Variants in TNRC6B observed in about 807,000 individuals in gnomAD.
The protein encoded by TNRC6B is trinucleotide repeat containing adaptor 6B.
TNRC6B carries 52 observed loss-of-function variants against 203.6 expected under a neutral mutation model. The ratio of observed to expected loss-of-function variants is 0.26; its 90% CI spans 0.20 to 0.32. The LOEUF is 0.32. TNRC6B is among the 10% of genes least tolerant of loss of function. TNRC6B has a pLI of 1.00. For missense variants in TNRC6B, 1,923 were observed against 2,286.2 expected, an observed-to-expected ratio of 0.84 and a Z score of 3.24; for synonymous variants, 838 against 845.7, an observed-to-expected ratio of 0.99 and a Z score of 0.16.
At chr22:40,095,857 G>A (rs1355015650) in intron 1 of TNRC6B, among the ~76,000 whole-genome samples, 2 of 151,820 alleles carry the variant, frequency 1.3e-5, no homozygotes, top group Non-Finnish European at 2.9e-5. Context: ...AGGGGAGATG[G>A]ATATCAACAA....
intron 1 of TNRC6B, among the ~76,000 whole-genome samples, chr22:40,215,972 C>G (rs1192811281): frequency 1.3e-5 from 2 of 152,192 alleles, no homozygotes; most frequent in African/African-American, 4.8e-5. Flanking sequence ...GATTCCTATG[C>G]TCTCAGGTAA....
chr22:40,166,218 C>T (rs1161365721), intron 4 of TNRC6B, among the ~76,000 whole-genome samples: 1 of 152,078 alleles, frequency 6.6e-6, no homozygotes, highest in African/African-American at 2.4e-5. Flanking sequence ...TGTGGGAATA[C>T]TCTTCAAGAA....
chr22:40,323,146 TG>T lies in TNRC6B; in HGVS notation c.5411del (p.Gly1804GlufsTer51). On this transcript the variant is annotated frameshift_variant, in exon 23 of 23. Coordinates refer to ENST00000454349, the MANE Select transcript of TNRC6B (RefSeq NM_001162501.2). LOFTEE classifies it high-confidence loss of function. ...GCCCCCAAACTATTCTTCTAGCTTA[TG>T]GGGAGTCCCAACGGTGGAAGATCCC... ...WGPPNYSSSL[W>X]GVPTVEDPHR... 1 of 1,613,932 alleles carries T rather than the reference TG, an allele frequency of 6.2e-7. No individual in the cohort carries two copies. Among genetic ancestry groups the T allele is most frequent in the Non-Finnish European group, 8.5e-7 (1 of 1,179,862 alleles).
At chr22:40,241,853 A>T (rs2070033225) in intron 1 of TNRC6B, among the ~76,000 whole-genome samples, 2 of 152,206 alleles carry the variant, frequency 1.3e-5, no homozygotes, top group African/African-American at 4.8e-5. Context: ...ATTTTATACA[A>T]TGGCTTATAG....
At chr22:40,207,130 A>G (rs1261679504) in intron 1 of TNRC6B, among the ~76,000 whole-genome samples, 1 of 152,126 alleles carries the variant, frequency 6.6e-6, no homozygotes, top group African/African-American at 2.4e-5. Flanking sequence ...CCTTGTAAGG[A>G]TCAAGTCATA....
intron 3 of TNRC6B, among the ~76,000 whole-genome samples, chr22:40,142,457 A>C (rs565574197): frequency 6.6e-6 from 1 of 152,196 alleles, no homozygotes; most frequent in Non-Finnish European, 1.5e-5. Flanking sequence ...AATCAAAACC[A>C]CAGTGAAATA....
rs574436655 is a variant in TNRC6B, at chr22:40,319,528, C to T, written c.4975-1562C>T. On this transcript the variant is annotated intron_variant, in intron 21 of 22. Coordinates refer to ENST00000454349, the MANE Select transcript of TNRC6B (RefSeq NM_001162501.2). ...GCAAGCTCCGCCTCCCGGGTTAATG[C>T]GGTTCTCATGTCTCAGCCTCCAAGT... Among the ~76,000 whole-genome samples the T allele has an allele frequency of 4.0e-5, 6 of 150,060 alleles. No homozygotes were observed. In the Admixed American group the frequency reaches 4.0e-4, roughly 10 times the overall value.
chr22:40,072,764 G>A (rs1056420334), intron 1 of TNRC6B, among the ~76,000 whole-genome samples: 4 of 151,318 alleles, frequency 2.6e-5, no homozygotes, highest in African/African-American at 4.9e-5. Flanking sequence ...CTCAGGAGGC[G>A]GAGGCAGGGG....
At chr22:40,163,480 A>AAAAAAAAC (rs568063097) in intron 4 of TNRC6B, among the ~76,000 whole-genome samples, 3,583 of 66,190 alleles carry the variant, frequency 0.054, 1,123 homozygotes, top group South Asian at 0.081. Flanking sequence ...AAAAAAAAAA[A>AAAAAAAAC]GGCCAGGCAC....
At chr22:40,138,165 A>G (rs1214739495) in intron 3 of TNRC6B, among the ~76,000 whole-genome samples, 1 of 152,198 alleles carries the variant, frequency 6.6e-6, no homozygotes, top group Non-Finnish European at 1.5e-5. Flanking sequence ...GGAGAAGCAT[A>G]CAGGAAGGAT....
At chr22:40,311,923 A>G (rs917721294) in intron 17 of TNRC6B, among the ~76,000 whole-genome samples, 3 of 152,252 alleles carry the variant, frequency 2.0e-5, no homozygotes, top group African/African-American at 7.2e-5. Context: ...ATAAAAGTTT[A>G]TTGTGTCACA....
rs375167077 is a variant in TNRC6B at position 40,183,907 on chromosome 22, G to A, written c.5+5767G>A. Among the ~76,000 whole-genome samples the A allele has an allele frequency of 3.3e-5, 5 of 152,252 alleles. 1 individual carries two copies. The highest frequency in any genetic ancestry group is 1.9e-4 in the East Asian group (1 of 5,174). The stretch of plus-strand genomic sequence containing the variant: ...ATACAGTGTTTCGGCATGTTGGCCA[G>A]GCTGATCTCGAACTCCTGACCTTGT... On this transcript the variant is annotated intron_variant, in intron 1 of 22. Transcript: ENST00000454349.
intron 1 of TNRC6B, among the ~76,000 whole-genome samples, chr22:40,047,115 G>T (rs1417673615): frequency 6.6e-6 from 1 of 152,120 alleles, no homozygotes; most frequent in Non-Finnish European, 1.5e-5. Flanking sequence ...TGAGAAAAGG[G>T]ATCTCCAGGA....
intron 1 of TNRC6B, among the ~76,000 whole-genome samples, chr22:40,105,585 T>A (rs565463329): frequency 6.6e-6 from 1 of 152,212 alleles, no homozygotes; most frequent in East Asian, 1.9e-4. Context: ...CTCGTCCTTA[T>A]GTTTGCGAGA....
At position 40,280,269 on chromosome 22, in the gene TNRC6B, AC is replaced by A. The variant is rs1324799658; in HGVS notation, c.3411+128del. 4.2e-5 allele frequency: 37 copies of A among 885,082 alleles called. No homozygotes were observed. In the African/African-American group the frequency reaches 5.9e-4, roughly 14 times the overall value. 54.8% of individuals were successfully genotyped at this position (885,082 alleles called of 1,614,324 possible). ...ACTAGATGAGCAAAACACAAACATC[AC>A]CTGCATTAACGTGGTGACCTGAAAA... is the stretch of plus-strand genomic sequence containing the variant. On this transcript the variant is annotated intron_variant, in intron 10 of 22. Coordinates refer to ENST00000454349, the MANE Select transcript of TNRC6B (RefSeq NM_001162501.2).
intron 1 of TNRC6B, chr22:40,106,868 C>T (rs76514151): frequency 1.0e-5 from 10 of 1,001,960 alleles, no homozygotes; most frequent in Non-Finnish European, 1.6e-5. Flanking sequence ...AATTTCAGTT[C>T]TGTCCATCTG....
intron 1 of TNRC6B, among the ~76,000 whole-genome samples, chr22:40,072,439 A>G (rs147232763): frequency 3.9e-4 from 59 of 152,298 alleles, no homozygotes; most frequent in East Asian, 1.9e-3. Context: ...TTAAATCCAT[A>G]ATAAAGAAGA....
At chr22:40,317,640 G>A (rs371588752) in intron 21 of TNRC6B, among the ~76,000 whole-genome samples, 4 of 152,288 alleles carry the variant, frequency 2.6e-5, no homozygotes, top group East Asian at 1.9e-4. Context: ...TTCACGTGTA[G>A]ATGGCATTAC....
chr22:40,238,978 G>A (rs1392851769), intron 1 of TNRC6B, among the ~76,000 whole-genome samples: 1 of 151,860 alleles, frequency 6.6e-6, no homozygotes, highest in African/African-American at 2.4e-5. Flanking sequence ...CAAGGTGGGC[G>A]GATCACTTGA....
Sources: gnomAD v4.1 joint callset for allele counts (sites outside exome capture counted in the v4.1 genomes callset) on GRCh38, gnomAD v4.1.1 for gene constraint, MANE v1.5 for transcripts, NCBI Gene and HGNC (gene_info 2026-07-23, HGNC 2026-07-21) for gene names.